Variants in CHCHD3 observed in about 807,000 individuals in gnomAD.
CHCHD3 encodes the protein MICOS complex subunit MIC19.
A neutral mutation model predicts 38.2 loss-of-function variants in CHCHD3; 20 were observed. The observed-to-expected ratio is 0.52, with a 90% confidence interval of 0.37 to 0.76. The LOEUF is 0.76. Ranked by LOEUF, CHCHD3 falls within the 30% of genes least tolerant of loss-of-function variation. CHCHD3 has a pLI of 0.00. For synonymous variants in CHCHD3, 82 were observed against 100.0 expected, an observed-to-expected ratio of 0.82 and a Z score of 1.07; for missense variants, 245 against 279.2, an observed-to-expected ratio of 0.88 and a Z score of 0.87.
At chr7:132,996,890 A>T (rs1027897017) in intron 3 of CHCHD3, among the ~76,000 whole-genome samples, 22 of 152,258 alleles carry the variant, frequency 1.4e-4, no homozygotes, top group Admixed American at 6.5e-4. Flanking sequence ...TCTTCGGCAT[A>T]CTGCCTACAT....
rs78512244 is a variant in CHCHD3 at position 132,801,799 on chromosome 7, T to C, written c.525-5222A>G. Reference sequence around the variant, plus strand: ...ACCCAAGGTTTGAAAGAATAGTTTCTATCTGAAAATACTTTAAGACTTAAC... The same window carrying C: ...ACCCAAGGTTTGAAAGAATAGTTTCCATCTGAAAATACTTTAAGACTTAAC... On this transcript the variant is annotated intron_variant, in intron 6 of 7. Coordinates refer to ENST00000262570, the MANE Select transcript of CHCHD3 (RefSeq NM_017812.4). Among the ~76,000 whole-genome samples, 7 of 152,360 alleles carry C rather than the reference T, an allele frequency of 4.6e-5. No homozygotes were observed. In the East Asian group the frequency reaches 1.4e-3, roughly 29 times the overall value.
At chr7:133,007,808 C>T (rs1425051680) in intron 3 of CHCHD3, among the ~76,000 whole-genome samples, 1 of 152,178 alleles carries the variant, frequency 6.6e-6, no homozygotes, top group African/African-American at 2.4e-5. Flanking sequence ...TACTCTCTGG[C>T]TTCTCAACAT....
At chr7:133,017,429 A>C (rs986356196) in intron 3 of CHCHD3, among the ~76,000 whole-genome samples, 11 of 152,206 alleles carry the variant, frequency 7.2e-5, no homozygotes, top group African/African-American at 2.7e-4. Flanking sequence ...AGTACATTAA[A>C]ACTCCACATC....
At chr7:133,019,545 A>G (rs1018076503) in intron 3 of CHCHD3, among the ~76,000 whole-genome samples, 13 of 152,224 alleles carry the variant, frequency 8.5e-5, no homozygotes, top group Admixed American at 7.2e-4. Flanking sequence ...ACCACTCATT[A>G]TACCAGATAG....
chr7:132,856,575 C>T (rs4142404), intron 5 of CHCHD3, among the ~76,000 whole-genome samples: 36,393 of 152,080 alleles, frequency 0.24, 4,499 homozygotes, highest in South Asian at 0.26. Context: ...TGTGTCTGAA[C>T]GTCGCCTTAT....
intron 4 of CHCHD3, among the ~76,000 whole-genome samples, chr7:132,947,193 T>G (rs1186413320): frequency 1.3e-5 from 2 of 151,988 alleles, no homozygotes; most frequent in Non-Finnish European, 2.9e-5. Flanking sequence ...TGCTTTAAAT[T>G]TATTATTATC....
chr7:133,014,228 T>A (rs2117418604), intron 3 of CHCHD3, among the ~76,000 whole-genome samples: 1 of 152,138 alleles, frequency 6.6e-6, no homozygotes, highest in African/African-American at 2.4e-5. Context: ...GTGAAGAAAC[T>A]TGAATTTAAA....
intron 5 of CHCHD3, among the ~76,000 whole-genome samples, chr7:132,847,899 A>T (rs1373603445): frequency 6.6e-6 from 1 of 152,142 alleles, no homozygotes; most frequent in East Asian, 1.9e-4. Context: ...TCATATGGAG[A>T]TTAGGGCATG....
intron 4 of CHCHD3, among the ~76,000 whole-genome samples, chr7:132,928,447 A>G (rs1278025812): frequency 6.6e-6 from 1 of 152,192 alleles, no homozygotes. Context: ...CTGTAATCCC[A>G]GCACTTCGGG....
intron 5 of CHCHD3, among the ~76,000 whole-genome samples, chr7:132,868,019 A>G (rs2117144363): frequency 6.6e-6 from 1 of 152,354 alleles, no homozygotes; most frequent in South Asian, 2.1e-4. Flanking sequence ...CCAATAAAAA[A>G]GACGTTCACC....
intron 4 of CHCHD3, among the ~76,000 whole-genome samples, chr7:132,911,376 T>C (rs1447962844): frequency 6.6e-6 from 1 of 152,112 alleles, no homozygotes; most frequent in Non-Finnish European, 1.5e-5. Flanking sequence ...AGCAAAGACC[T>C]TTCAGATCAC....
chr7:133,067,856 C>T (rs942725650), intron 2 of CHCHD3, among the ~76,000 whole-genome samples: 6 of 152,212 alleles, frequency 3.9e-5, no homozygotes, highest in Non-Finnish European at 2.9e-5. Flanking sequence ...GTGGCTCACG[C>T]CTGTAATCCC....
intron 6 of CHCHD3, among the ~76,000 whole-genome samples, chr7:132,811,593 T>C (rs1373517286): frequency 1.3e-5 from 2 of 152,214 alleles, no homozygotes; most frequent in Non-Finnish European, 2.9e-5. Flanking sequence ...CATTCAACTG[T>C]TGGATAGAAC....
chr7:132,905,901 C>T (rs891422791), intron 4 of CHCHD3, among the ~76,000 whole-genome samples: 1 of 152,138 alleles, frequency 6.6e-6, no homozygotes, highest in African/African-American at 2.4e-5. Flanking sequence ...AATATATTCA[C>T]GGAAAGTAAC....
chr7:132,896,491 C>T (rs1057007423), intron 4 of CHCHD3, among the ~76,000 whole-genome samples: 5 of 152,262 alleles, frequency 3.3e-5, no homozygotes, highest in African/African-American at 1.2e-4. Flanking sequence ...GGTGCTGAAA[C>T]ATATCACTGC....
intron 3 of CHCHD3, among the ~76,000 whole-genome samples, chr7:133,011,101 G>GAGCCTAT (rs1468262448): frequency 3.3e-5 from 5 of 152,128 alleles, no homozygotes; most frequent in Non-Finnish European, 7.3e-5. Flanking sequence ...TCTGGACAAG[G>GAGCCTAT]AGCTATAGGC....
In CHCHD3 at chr7:132,979,986, AC is replaced by A. The variant is rs1811876773; in HGVS notation, c.252-4701del. On this transcript the variant is annotated intron_variant, in intron 3 of 7. Transcript: ENST00000262570. ...AGAAAAACTGCTTATGTTTTCAGAA[AC>A]CCCCAATTACTTTCAAAGCTTCCTC... Among the ~76,000 whole-genome samples, 8 of 152,086 alleles carry A rather than the reference AC, an allele frequency of 5.3e-5. No homozygotes were observed. The South Asian group carries it at 1.7e-3, about 32-fold the overall frequency.
intron 4 of CHCHD3, chr7:132,887,097 C>A: frequency 1.9e-6 from 1 of 516,644 alleles, no homozygotes; most frequent in Non-Finnish European, 3.0e-6. Flanking sequence ...AAATGCAAGC[C>A]AAAGAAGGTA....
At chr7:132,849,777 C>T (rs1430167415) in intron 5 of CHCHD3, among the ~76,000 whole-genome samples, 1 of 152,138 alleles carries the variant, frequency 6.6e-6, no homozygotes, top group Non-Finnish European at 1.5e-5. Flanking sequence ...CTCTTCAGCC[C>T]TTTATCTCAG....
Sources: gnomAD v4.1 joint callset for allele counts (sites outside exome capture counted in the v4.1 genomes callset) on GRCh38, gnomAD v4.1.1 for gene constraint, MANE v1.5 for transcripts, NCBI Gene and HGNC (gene_info 2026-07-23, HGNC 2026-07-21) for gene names.